ACTA2: variants seen among roughly 807,000 people sequenced by gnomAD.
ACTA2 encodes actin, aortic smooth muscle.
A neutral mutation model predicts 39.5 loss-of-function variants in ACTA2; 12 were observed. That is an observed-to-expected ratio of 0.30 (90% CI 0.19 to 0.49). The LOEUF (loss-of-function observed/expected upper bound fraction) is 0.49. ACTA2 is among the 20% of genes least tolerant of loss of function. The probability of loss-of-function intolerance (pLI) is 0.99; values close to 1 mark genes in which losing one functional copy is unlikely to be tolerated. For missense variants in ACTA2, 236 were observed against 498.8 expected (o/e 0.47, Z 5.02); for synonymous variants, 158 against 180.6 (o/e 0.88, Z 1.00).
At chr10:88,976,326 T>C (rs575182909) in intron 1 of ACTA2, among the ~76,000 whole-genome samples, 4 of 152,210 alleles carry the variant, frequency 2.6e-5, no homozygotes, top group Non-Finnish European at 5.9e-5. Flanking sequence ...ACAAGGTTGG[T>C]ATAATAGATA....
chr10:88,990,994 T>C lies in ACTA2; in HGVS notation c.-79A>G. Reference sequence around the variant, plus strand: ...GGGCGGGCGCGGGACGCGTGCGGGATTGCGGCGGCAGCGGCGCACGCGGGC... The same window carrying C: ...GGGCGGGCGCGGGACGCGTGCGGGACTGCGGCGGCAGCGGCGCACGCGGGC... On this transcript the variant is annotated 5_prime_UTR_variant, in exon 1 of 5. Coordinates refer to the ACTA2 transcript ENST00000415557. This position sits in a 1 kb window ranked among gnomAD's most constrained non-coding sequence, Gnocchi z 4.9. The C allele has an allele frequency of 1.3e-6, 2 of 1,589,954 alleles. No homozygotes were observed. Among genetic ancestry groups the C allele is most frequent in the Non-Finnish European group, 1.7e-6 (2 of 1,160,600 alleles).
chr10:88,951,218 G>A (rs12241898), intron 1 of ACTA2, among the ~76,000 whole-genome samples: 5,808 of 152,240 alleles, frequency 0.038, 343 homozygotes, highest in African/African-American at 0.13. Flanking sequence ...AGAGCCTGGG[G>A]TATCTGTCAG....
chr10:88,957,617 G>A (rs1846158108), upstream of ACTA2, among the ~76,000 whole-genome samples: 1 of 152,132 alleles, frequency 6.6e-6, no homozygotes, highest in Admixed American at 6.5e-5. Context: ...CTTAACTGAG[G>A]ACCTTTGCTC....
Position 88,965,291 on chromosome 10 carries a change from T to C in ACTA2, c.-23-16338A>G, listed in dbSNP as rs1198506521. Among the ~76,000 whole-genome samples, 4 of 152,242 alleles carry C rather than the reference T, an allele frequency of 2.6e-5. No homozygotes were observed. The East Asian group carries it at 5.8e-4, about 22-fold the overall frequency. ...TTAGGGCACCCTGCCCTTCTACATA[T>C]AGTAGAAACTCAGGAATTTGGTTAA... On this transcript the variant is annotated intron_variant, in intron 1 of 4. Transcript: ENST00000415557.
In ACTA2 at chr10:88,938,532, A is replaced by T. The variant is rs140771597; in HGVS notation, c.809-290T>A. 32 of 401,210 alleles carry T rather than the reference A, an allele frequency of 8.0e-5. No homozygotes were observed. The East Asian group carries it at 1.8e-3, about 22-fold the overall frequency. The allele number at this position is 401,210 out of a possible 1,614,324, so 24.9% of individuals were successfully genotyped here. ...TCACTCCATGTGGTTTAAATAAGGGATGAAGCCTTCCAATTCCCTGCAAAG... is the reference window on the plus strand; with the variant it reads ...TCACTCCATGTGGTTTAAATAAGGGTTGAAGCCTTCCAATTCCCTGCAAAG... On this transcript the variant is annotated intron_variant, in intron 7 of 8. Transcript: ENST00000224784.
At chr10:88,966,335 A>G (rs551562357) in intron 1 of ACTA2, among the ~76,000 whole-genome samples, 1 of 152,242 alleles carries the variant, frequency 6.6e-6, no homozygotes, top group South Asian at 2.1e-4. Context: ...AGGGAAGGGG[A>G]TTGGACAGGA....
chr10:88,954,403 C>G (rs1214548373), upstream of ACTA2, among the ~76,000 whole-genome samples: 1 of 152,166 alleles, frequency 6.6e-6, no homozygotes, highest in East Asian at 1.9e-4. Context: ...AAAATCTACA[C>G]AGTACAACAT....
intron 1 of ACTA2, chr10:88,989,380 A>T: frequency 3.0e-6 from 1 of 333,210 alleles, no homozygotes; most frequent in South Asian, 2.4e-5. Flanking sequence ...ATTTTGGAAT[A>T]GTTTTAGGAT....
intron 4 of ACTA2, among the ~76,000 whole-genome samples, chr10:88,942,257 T>G (rs779399997): frequency 6.6e-6 from 1 of 152,166 alleles, no homozygotes; most frequent in Non-Finnish European, 1.5e-5. Context: ...CTCCCATTTT[T>G]CCAGTGCAGA....
At chr10:88,941,487 G>T (rs776573747) in intron 5 of ACTA2, 97 bp from the exon 6 acceptor site, 38 of 1,492,636 alleles carry the variant, frequency 2.5e-5, no homozygotes, top group Non-Finnish European at 3.4e-5. Context: ...GGGAATTTCC[G>T]AGCCTCTTAT....
Position 88,966,010 on chromosome 10 carries a change from C to T in ACTA2, c.-23-17057G>A, listed in dbSNP as rs756273005. 1.2e-3 allele frequency among the ~76,000 whole-genome samples: 186 copies of T among 152,190 alleles called. 1 individual carries two copies. The highest frequency in any genetic ancestry group is 3.4e-3 in the Middle Eastern group (1 of 294). Reference sequence around the variant, plus strand: ...ACCATGGTCAACAGAATCACTTGGGCAATTTGTTAAAATGTATTAGGTTGG... The same window carrying T: ...ACCATGGTCAACAGAATCACTTGGGTAATTTGTTAAAATGTATTAGGTTGG... On this transcript the variant is annotated intron_variant, in intron 1 of 4. Transcript: ENST00000415557.
intron 6 of ACTA2, 169 bp downstream of exon 6, chr10:88,941,060 T>C: frequency 5.0e-6 from 4 of 807,824 alleles, no homozygotes; most frequent in Non-Finnish European, 8.3e-6. Flanking sequence ...GTGTAATCAT[T>C]TTGCAACTTC....
rs41284106 is a variant in ACTA2, at chr10:88,935,654, T to C, written c.991-288A>G. 39,585 of 376,436 alleles carry C rather than the reference T, an allele frequency of 0.11. 2,556 individuals are homozygous for C. Among genetic ancestry groups the C allele is most frequent in the Non-Finnish European group, 0.15 (28,463 of 195,566 alleles). The allele number at this position is 376,436 out of a possible 1,614,324, so 23.3% of individuals were successfully genotyped here. ...TGAAAGTTGGCTCCAAATCCAGCCA[T>C]GGCCCCCACTTAAGAACCCTGGCAA... On this transcript the variant is annotated intron_variant, in intron 8 of 8. Transcript: ENST00000224784.
chr10:88,948,724 T>C (rs1180356466), intron 2 of ACTA2, 78 bp downstream of exon 2: 6 of 1,596,966 alleles, frequency 3.8e-6, no homozygotes, highest in Non-Finnish European at 5.1e-6. Flanking sequence ...CAGAAAGAGA[T>C]AGACAATCTG....
intron 1 of ACTA2, chr10:88,974,135 C>T (rs1020742815): frequency 6.6e-6 from 1 of 151,998 alleles, no homozygotes; most frequent in African/African-American, 2.4e-5. Context: ...TACATGTCTC[C>T]AGAGCTTTAA....
intron 1 of ACTA2, among the ~76,000 whole-genome samples, chr10:88,970,235 C>G (rs993971492): frequency 1.3e-5 from 2 of 152,190 alleles, no homozygotes; most frequent in East Asian, 1.9e-4. Context: ...TTAAGGAGGT[C>G]TTTGGACGTT....
chr10:88,939,773 A>G, intron 6 of ACTA2, 75 bp from the exon 7 acceptor site: 1 of 1,464,700 alleles, frequency 6.8e-7, no homozygotes, highest in Non-Finnish European at 9.5e-7. Flanking sequence ...GCCCTACTGC[A>G]GTCTCTCCCT....
At chr10:88,977,303 C>T (rs1463680453) in intron 1 of ACTA2, among the ~76,000 whole-genome samples, 1 of 151,474 alleles carries the variant, frequency 6.6e-6, no homozygotes, top group Non-Finnish European at 1.5e-5. Context: ...TTAGGTCTAA[C>T]ATTTAAGTCT....
chr10:88,968,109 G>A (rs1315959473), intron 1 of ACTA2, among the ~76,000 whole-genome samples: 3 of 152,026 alleles, frequency 2.0e-5, no homozygotes, highest in Non-Finnish European at 4.4e-5. Context: ...ATTCAATTCA[G>A]TAGTTTCTGT....
Sources: gnomAD v4.1 joint callset for allele counts (sites outside exome capture counted in the v4.1 genomes callset) on GRCh38, gnomAD v4.1.1 for gene constraint, Gnocchi (gnomAD v3.1) non-coding constraint, MANE v1.5 for transcripts, NCBI Gene and HGNC (gene_info 2026-07-23, HGNC 2026-07-21) for gene names.